The following SAMD5 variants were observed in gnomAD, a reference collection of about 807,000 sequenced individuals.
The protein encoded by SAMD5 is sterile alpha motif domain containing 5, also known as sterile alpha motif domain-containing protein 5.
A neutral mutation model predicts 11.3 loss-of-function variants in SAMD5; 13 were observed. The observed-to-expected ratio is 1.15, with a 90% CI of 0.75 to 1.83. The LOEUF is 1.83. SAMD5 is among the 40% of genes most tolerant of loss of function. The pLI is 0.00. For synonymous variants in SAMD5, 129 were observed against 111.3 expected, an observed-to-expected ratio of 1.16 and a Z score of -1.00; for missense variants, 255 against 239.1, an observed-to-expected ratio of 1.07 and a Z score of -0.44.
At chr6:147,919,454 G>C in the SAMD5 span, among the ~76,000 whole-genome samples, 8 of 152,174 alleles carry the variant, frequency 5.3e-5, no homozygotes, top group African/African-American at 1.9e-4. Flanking sequence ...CCATAAGACA[G>C]TAAGCATCAA....
At chr6:147,834,112 C>T in the SAMD5 span, among the ~76,000 whole-genome samples, 1 of 152,120 alleles carries the variant, frequency 6.6e-6, no homozygotes, top group African/African-American at 2.4e-5. Flanking sequence ...TTAACACACA[C>T]ATTTATATTT....
chr6:147,749,370 A>T, the SAMD5 span, among the ~76,000 whole-genome samples: 1 of 152,050 alleles, frequency 6.6e-6, no homozygotes, highest in Non-Finnish European at 1.5e-5. Context: ...CGGTTTCACC[A>T]TGTTGGCAAA....
chr6:147,746,344 G>A, the SAMD5 span, among the ~76,000 whole-genome samples: 63 of 152,264 alleles, frequency 4.1e-4, no homozygotes, highest in East Asian at 0.012. Context: ...GGATGGCTGC[G>A]AATGAGTACA....
the SAMD5 span, among the ~76,000 whole-genome samples, chr6:147,949,451 G>A: frequency 6.6e-6 from 1 of 152,092 alleles, no homozygotes; most frequent in South Asian, 2.1e-4. Context: ...CTGGAGAGGG[G>A]GCTGAGTTTT....
chr6:147,648,493 A>C (rs1177058001), intron 1 of SAMD5, among the ~76,000 whole-genome samples: 1 of 152,184 alleles, frequency 6.6e-6, no homozygotes, highest in East Asian at 1.9e-4. Context: ...TCAGTGCATA[A>C]ACTAGTCCAC....
intron 1 of SAMD5, among the ~76,000 whole-genome samples, chr6:147,641,527 T>A (rs1790311900): frequency 6.6e-6 from 1 of 152,100 alleles, no homozygotes; most frequent in African/African-American, 2.4e-5. Context: ...AACTTGGTTT[T>A]TGCCTTGTAA....
the SAMD5 span, among the ~76,000 whole-genome samples, chr6:147,920,836 G>T: frequency 6.3e-4 from 96 of 152,268 alleles, no homozygotes; most frequent in African/African-American, 2.1e-3. Context: ...AACACTGTAG[G>T]TGGTGAGTAA....
chr6:147,855,503 T>G, the SAMD5 span, among the ~76,000 whole-genome samples: 2 of 152,168 alleles, frequency 1.3e-5, no homozygotes, highest in African/African-American at 4.8e-5. Context: ...GTAAATTTTT[T>G]TCATCACTTT....
chr6:147,930,425 C>T, the SAMD5 span, among the ~76,000 whole-genome samples: 1 of 152,072 alleles, frequency 6.6e-6, no homozygotes, highest in Non-Finnish European at 1.5e-5. Flanking sequence ...CAGTCAGTCT[C>T]TCCAGAGAGA....
intron 1 of SAMD5, among the ~76,000 whole-genome samples, chr6:147,526,168 AG>A (rs1788336181): frequency 6.6e-6 from 1 of 152,220 alleles, no homozygotes; most frequent in South Asian, 2.1e-4. Flanking sequence ...AGTGTTTTGC[AG>A]GGAAACCACT....
the SAMD5 span, among the ~76,000 whole-genome samples, chr6:147,856,720 C>A: frequency 3.2e-4 from 48 of 151,588 alleles, no homozygotes; most frequent in Admixed American, 2.6e-3. Context: ...TATAACCCAT[C>A]TTCCTCCTTT....
the SAMD5 span, among the ~76,000 whole-genome samples, chr6:147,764,174 G>A: frequency 3.3e-5 from 5 of 152,146 alleles, no homozygotes; most frequent in African/African-American, 4.8e-5. Context: ...GTATTTATGG[G>A]TGAAGCCACA....
the SAMD5 span, among the ~76,000 whole-genome samples, chr6:147,904,969 A>G: frequency 1.3e-5 from 2 of 149,966 alleles, no homozygotes; most frequent in Admixed American, 1.3e-4. Context: ...GCTCACTGCA[A>G]CCTCTGCCTC....
At chr6:147,517,861 A>C (rs944336656) in intron 1 of SAMD5, among the ~76,000 whole-genome samples, 1 of 152,062 alleles carries the variant, frequency 6.6e-6, no homozygotes, top group Non-Finnish European at 1.5e-5. Flanking sequence ...CTTGGCAACA[A>C]AATAATGAGG....
chr6:147,569,968 T>C lies in SAMD5; in HGVS notation c.*5512T>C, dbSNP rs1042118737. The C allele has an allele frequency of 2.0e-6, 2 of 985,080 alleles. No individual in the cohort carries two copies. Among genetic ancestry groups the C allele is most frequent in the African/African-American group, 1.7e-5 (1 of 57,238 alleles). 61.0% of individuals were successfully genotyped at this position (985,080 alleles called of 1,614,324 possible). A position where few individuals can be genotyped will look rare whatever the true frequency, so the allele number is the denominator to read the frequency against. ...CCATGTAATGCATGCCCATGCACAC[T>C]GTGATTTGCAAACATATGTCCGCTC... On this transcript the variant is annotated 3_prime_UTR_variant, in exon 2 of 2. Coordinates refer to ENST00000367474, the MANE Select transcript of SAMD5 (RefSeq NM_001030060.3).
the SAMD5 span, among the ~76,000 whole-genome samples, chr6:147,935,607 T>C: frequency 7.0e-6 from 1 of 142,492 alleles, no homozygotes. Context: ...ATGAATAAGG[T>C]TTTTTAAGAA....
chr6:147,560,825 A>G (rs574049891), intron 1 of SAMD5, among the ~76,000 whole-genome samples: 84 of 152,332 alleles, frequency 5.5e-4, no homozygotes, highest in African/African-American at 1.9e-3. Context: ...GATTTGGCAT[A>G]GGAGAACTGC....
intron 1 of SAMD5, 130 bp downstream of exon 1, chr6:147,509,517 C>A: frequency 1.4e-6 from 1 of 719,040 alleles, no homozygotes; most frequent in Non-Finnish European, 2.1e-6. Context: ...GTATCTGGGA[C>A]CCTTTTCTAT....
chr6:147,921,137 C>T, the SAMD5 span, among the ~76,000 whole-genome samples: 11 of 152,192 alleles, frequency 7.2e-5, no homozygotes, highest in African/African-American at 9.6e-5. Context: ...AGTGTCCTCA[C>T]GGAACTGAGA....
Sources: allele counts gnomAD v4.1 joint callset (sites outside exome capture counted in the v4.1 genomes callset), GRCh38; gene constraint gnomAD v4.1.1; transcripts MANE v1.5; gene names NCBI Gene and HGNC (gene_info 2026-07-23, HGNC 2026-07-21).